Variants in FAM241A observed in about 807,000 individuals in gnomAD.
The protein encoded by FAM241A is family with sequence similarity 241 member A.
Under a neutral mutation model 12.2 loss-of-function variants are expected in FAM241A, and 7 were observed. The observed-to-expected ratio is 0.58, with a 90% CI of 0.33 to 1.08. The LOEUF (loss-of-function observed/expected upper bound fraction) is 1.08, where lower values mean the gene tolerates loss of function less well. Ranked by LOEUF, FAM241A falls within the 50% of genes least tolerant of loss-of-function variation. The pLI is 0.04. For missense variants in FAM241A, 161 were observed against 169.7 expected (o/e 0.95, Z 0.29); for synonymous variants, 74 against 68.2 (o/e 1.08, Z -0.42).
At chr4:112,145,901 G>A (rs1458482288) in intron 1 of FAM241A, among the ~76,000 whole-genome samples, 168 bp downstream of exon 1, 1 of 151,400 alleles carries the variant, frequency 6.6e-6, no homozygotes, top group Non-Finnish European at 1.5e-5. Flanking sequence ...GTTAGACGGC[G>A]CTCCCAGGAG....
chr4:112,156,248 G>A (rs1446915220), intron 1 of FAM241A, among the ~76,000 whole-genome samples: 1 of 152,084 alleles, frequency 6.6e-6, no homozygotes, highest in Non-Finnish European at 1.5e-5. Context: ...CAGGTCATTT[G>A]CCTGGAACTC....
At chr4:112,183,931 TA>T (rs761294108) in intron 1 of FAM241A, among the ~76,000 whole-genome samples, 10 of 151,830 alleles carry the variant, frequency 6.6e-5, no homozygotes, top group Admixed American at 6.6e-5. Flanking sequence ...ACAAGAAACA[TA>T]AAATTGACCC....
chr4:112,184,037 A>G (rs530755463), intron 1 of FAM241A, among the ~76,000 whole-genome samples: 2 of 152,332 alleles, frequency 1.3e-5, no homozygotes, highest in South Asian at 2.1e-4. Flanking sequence ...GAAAACTATC[A>G]GTATCAAAAA....
intron 1 of FAM241A, among the ~76,000 whole-genome samples, chr4:112,176,943 T>TC (rs1723834370): frequency 6.6e-6 from 1 of 152,210 alleles, no homozygotes; most frequent in Non-Finnish European, 1.5e-5. Context: ...ATTTCTGCAC[T>TC]CATGTACTGG....
rs1490168306 is a variant in FAM241A at position 112,193,592 on chromosome 4, T to G, written c.*6654T>G. ...GCTAGCCAGTTTTCCCAGCACCATTTATTCAATAGGGAATCCTTTCCCCAT... is the reference window on the plus strand; with the variant it reads ...GCTAGCCAGTTTTCCCAGCACCATTGATTCAATAGGGAATCCTTTCCCCAT... On this transcript the variant is annotated 3_prime_UTR_variant, in exon 2 of 2. Coordinates refer to ENST00000309733, the MANE Select transcript of FAM241A (RefSeq NM_152400.3). 6.6e-6 allele frequency: 1 copy of G among 152,252 alleles called. No individual in the cohort carries two copies. The highest frequency in any genetic ancestry group is 1.5e-5 in the Non-Finnish European group (1 of 68,042). 9.4% of individuals were successfully genotyped at this position (152,252 alleles called of 1,614,324 possible).
intron 1 of FAM241A, 100 bp downstream of exon 1, chr4:112,145,833 G>C: frequency 1.4e-6 from 1 of 722,110 alleles, no homozygotes; most frequent in Non-Finnish European, 1.7e-6. Flanking sequence ...CCGCGCCGCA[G>C]CTCTGCCCCG....
rs34513702 is a variant in FAM241A, at chr4:112,179,914, G to GATATATATATAT, written c.154-6766_154-6755dup. Among the ~76,000 whole-genome samples the GATATATATATAT allele has an allele frequency of 3.9e-3, 454 of 117,728 alleles. 8 individuals carry two copies. Among genetic ancestry groups the GATATATATATAT allele is most frequent in the African/African-American group, 0.013 (373 of 28,856 alleles). 77.2% of individuals were successfully genotyped at this position (117,728 alleles called of 152,430 possible). A position where few individuals can be genotyped will look rare whatever the true frequency, so the allele number is the denominator to read the frequency against. The stretch of plus-strand genomic sequence containing the variant: ...ATGGTGGATTGCATAAAGAAAATGT[G>GATATATATATAT]ATATATATATATATATATATATATG... On this transcript the variant is annotated intron_variant, in intron 1 of 1. Transcript: ENST00000309733.
At chr4:112,182,413 T>C (rs546812374) in intron 1 of FAM241A, among the ~76,000 whole-genome samples, 8 of 152,298 alleles carry the variant, frequency 5.3e-5, no homozygotes, top group Non-Finnish European at 8.8e-5. Context: ...AGTCATAATA[T>C]AGTCCTTTCT....
At chr4:112,164,262 A>AT (rs869222017) in intron 1 of FAM241A, among the ~76,000 whole-genome samples, 3 of 150,120 alleles carry the variant, frequency 2.0e-5, no homozygotes, top group Admixed American at 6.7e-5. Context: ...TTAAAATATA[A>AT]TTTTTTTAAA....
rs562541271 is a variant in FAM241A, at chr4:112,172,853, A to G, written c.154-13840A>G. On this transcript the variant is annotated intron_variant, in intron 1 of 1. Coordinates refer to ENST00000309733, the MANE Select transcript of FAM241A (RefSeq NM_152400.3). ...TGTTCATTTATGCGTTAATATGTTT[A>G]TTTATTTGCTGTTTTTTTCTTTCTG... Among the ~76,000 whole-genome samples the G allele has an allele frequency of 2.0e-5, 3 of 152,160 alleles. No homozygotes were observed. In the South Asian group the frequency reaches 6.2e-4, roughly 32 times the overall value.
intron 1 of FAM241A, among the ~76,000 whole-genome samples, chr4:112,149,020 C>G (rs1219436150): frequency 6.6e-6 from 1 of 152,018 alleles, no homozygotes; most frequent in Non-Finnish European, 1.5e-5. Context: ...GTAATGTGTG[C>G]TTTGGAAAAT....
In FAM241A at chr4:112,189,078, G is replaced by C. The variant is rs1229348871; in HGVS notation, c.*2140G>C. 2 of 151,972 alleles carry C rather than the reference G, an allele frequency of 1.3e-5. No homozygotes were observed. Among genetic ancestry groups the C allele is most frequent in the Non-Finnish European group, 2.9e-5 (2 of 67,978 alleles). The allele number at this position is 151,972 out of a possible 1,614,324, so 9.4% of individuals were successfully genotyped here. A position where few individuals can be genotyped will look rare whatever the true frequency, so the allele number is the denominator to read the frequency against. ...CTGAAATAAAACTGGTAATTTATTT[G>C]GTTCATGGTATAAAGAATTAGATTG... On this transcript the variant is annotated 3_prime_UTR_variant, in exon 2 of 2. Coordinates refer to ENST00000309733, the MANE Select transcript of FAM241A (RefSeq NM_152400.3).
intron 1 of FAM241A, among the ~76,000 whole-genome samples, chr4:112,180,610 T>C (rs571911731): frequency 2.4e-4 from 36 of 152,142 alleles, no homozygotes; most frequent in African/African-American, 8.7e-4. Flanking sequence ...ATAGTAAAAA[T>C]GATGTGGTAT....
chr4:112,159,458 CCAGA>C (rs1338967286), intron 1 of FAM241A, among the ~76,000 whole-genome samples: 2 of 152,116 alleles, frequency 1.3e-5, no homozygotes, highest in East Asian at 1.9e-4. Flanking sequence ...TATACCAAAG[CCAGA>C]CAAAGACACA....
chr4:112,182,932 T>TATTGATCA, intron 1 of FAM241A, among the ~76,000 whole-genome samples: 1 of 152,164 alleles, frequency 6.6e-6, no homozygotes, highest in South Asian at 2.1e-4. Flanking sequence ...GATTGAAGAA[T>TATTGATCA]ATTGATCATT....
intron 1 of FAM241A, among the ~76,000 whole-genome samples, chr4:112,180,843 T>C (rs1723928640): frequency 6.6e-6 from 1 of 152,126 alleles, no homozygotes; most frequent in Non-Finnish European, 1.5e-5. Context: ...CAACATGACT[T>C]CTAATAGACA....
At position 112,187,767 on chromosome 4, in the gene FAM241A, A is replaced by AT. The variant is rs142418043; in HGVS notation, c.*838dup. ...TTTCCTAGAGAGACATTTTCAGTGT[A>AT]TTTTTTTTTAGAAATTTATAATTTT... On this transcript the variant is annotated 3_prime_UTR_variant, in exon 2 of 2. Transcript: ENST00000309733. The AT allele has an allele frequency of 0.073, 10,988 of 151,326 alleles. 646 individuals are homozygous for AT. The highest frequency in any genetic ancestry group is 0.17 in the African/African-American group (6,808 of 41,144). 9.4% of individuals were successfully genotyped at this position (151,326 alleles called of 1,614,324 possible).
Position 112,153,528 on chromosome 4 carries a change from T to C in FAM241A, c.153+7795T>C, listed in dbSNP as rs185762818. 1.4e-3 allele frequency among the ~76,000 whole-genome samples: 214 copies of C among 152,356 alleles called. 2 individuals carry two copies. The highest frequency in any genetic ancestry group is 5.0e-3 in the Admixed American group (77 of 15,306). On this transcript the variant is annotated intron_variant, in intron 1 of 1. Coordinates refer to ENST00000309733, the MANE Select transcript of FAM241A (RefSeq NM_152400.3). ...TATGTTTTATTTCATTGTGTTTATGTGTGTTTGAGAGAATTAATAAGACAT... is the reference window on the plus strand; with the variant it reads ...TATGTTTTATTTCATTGTGTTTATGCGTGTTTGAGAGAATTAATAAGACAT...
At chr4:112,156,039 G>T (rs1723347266) in intron 1 of FAM241A, among the ~76,000 whole-genome samples, 1 of 152,184 alleles carries the variant, frequency 6.6e-6, no homozygotes, top group Non-Finnish European at 1.5e-5. Context: ...TACCAAGCTA[G>T]TGTTTGGCCA....
Sources: allele counts gnomAD v4.1 joint callset (sites outside exome capture counted in the v4.1 genomes callset), GRCh38; gene constraint gnomAD v4.1.1; transcripts MANE v1.5; gene names NCBI Gene and HGNC (gene_info 2026-07-23, HGNC 2026-07-21).